The following NTN1 variants were observed in gnomAD, a reference collection of about 807,000 sequenced individuals.
The protein encoded by NTN1 is netrin-1.
NTN1 carries 11 observed loss-of-function variants against 54.2 expected under a neutral mutation model. The observed-to-expected ratio is 0.20, with a 90% confidence interval of 0.13 to 0.34. The LOEUF is 0.34. Among genes scored for constraint, NTN1 ranks in the 10% least tolerant of loss-of-function variants. NTN1 has a pLI of 1.00. For synonymous variants in NTN1, 371 were observed against 382.0 expected (o/e 0.97, Z 0.33); for missense variants, 740 against 893.1 (o/e 0.83, Z 2.18).
At chr17:9,131,094 G>A (rs997445371) in intron 2 of NTN1, among the ~76,000 whole-genome samples, 20 of 152,106 alleles carry the variant, frequency 1.3e-4, no homozygotes, top group African/African-American at 4.3e-4. Flanking sequence ...CCTTTGCACT[G>A]GCTGTTTCCT....
At chr17:9,156,820 A>G (rs957681180) in intron 2 of NTN1, among the ~76,000 whole-genome samples, 5 of 152,176 alleles carry the variant, frequency 3.3e-5, no homozygotes, top group African/African-American at 1.2e-4. Flanking sequence ...TTCAGGCAGT[A>G]AATCCTCTAT....
At chr17:9,065,118 G>A (rs1001936109) in intron 2 of NTN1, among the ~76,000 whole-genome samples, 1 of 152,018 alleles carries the variant, frequency 6.6e-6, no homozygotes, top group Non-Finnish European at 1.5e-5. Context: ...TGTATTTTTA[G>A]TAGAGACAGT....
At chr17:9,072,729 C>T (rs1204041857) in intron 2 of NTN1, among the ~76,000 whole-genome samples, 1 of 152,162 alleles carries the variant, frequency 6.6e-6, no homozygotes, top group African/African-American at 2.4e-5. Context: ...AAAGCAATAT[C>T]TCTCCCCCCA....
chr17:9,201,211 T>A (rs1904774643), intron 5 of NTN1, among the ~76,000 whole-genome samples: 1 of 152,176 alleles, frequency 6.6e-6, no homozygotes, highest in Non-Finnish European at 1.5e-5. Flanking sequence ...TGTCTTTTCC[T>A]CCTAGAGATG....
rs1049508166 is a variant in NTN1 at position 9,227,308 on chromosome 17, AAC to A, written c.1486+6071_1486+6072del. Among the ~76,000 whole-genome samples, 13 of 145,758 alleles carry A rather than the reference AAC, an allele frequency of 8.9e-5. No homozygotes were observed. In the South Asian group the frequency reaches 1.1e-3, roughly 13 times the overall value. ...ACGCATACACACATACACAATCACA[AAC>A]ACACCACACACATCAAACACAGATA... On this transcript the variant is annotated intron_variant, in intron 6 of 6. Coordinates refer to ENST00000173229, the MANE Select transcript of NTN1 (RefSeq NM_004822.3).
chr17:9,022,068 G>A (rs1276176280), intron 1 of NTN1, among the ~76,000 whole-genome samples: 1 of 152,138 alleles, frequency 6.6e-6, no homozygotes, highest in African/African-American at 2.4e-5. Flanking sequence ...GGCGGCGTGG[G>A]GGCGGCGGTG....
At chr17:9,130,998 T>C (rs1441655851) in intron 2 of NTN1, among the ~76,000 whole-genome samples, 12 of 152,220 alleles carry the variant, frequency 7.9e-5, no homozygotes, top group Admixed American at 7.9e-4. Context: ...ACCCCTCGTC[T>C]GCACTTTCCC....
intron 6 of NTN1, among the ~76,000 whole-genome samples, chr17:9,223,256 T>C (rs1372903978): frequency 6.6e-6 from 1 of 152,140 alleles, no homozygotes; most frequent in Non-Finnish European, 1.5e-5. Context: ...TGGGTTGTTT[T>C]GAAAGGAGCT....
chr17:9,051,000 C>T lies in NTN1; in HGVS notation c.1018+27609C>T, dbSNP rs556651665. The stretch of plus-strand genomic sequence containing the variant: ...CTGTTTCAGCTTGGCAAGGAGCCAT[C>T]GAAGCCCCCTGTCCTGTTAGCTGAG... On this transcript the variant is annotated intron_variant, in intron 2 of 6. Transcript: ENST00000173229. Among the ~76,000 whole-genome samples, 58 of 152,244 alleles carry T rather than the reference C, an allele frequency of 3.8e-4. No individual in the cohort carries two copies. In the South Asian group the frequency reaches 8.3e-3, roughly 22 times the overall value.
intron 5 of NTN1, among the ~76,000 whole-genome samples, chr17:9,191,987 A>AAAAT (rs1407656684): frequency 6.6e-6 from 1 of 151,956 alleles, no homozygotes; most frequent in Admixed American, 6.6e-5. Context: ...AAAAAAAAAA[A>AAAAT]AGTATTAGAG....
chr17:9,087,136 A>C (rs1298242880), intron 2 of NTN1, among the ~76,000 whole-genome samples: 1 of 152,194 alleles, frequency 6.6e-6, no homozygotes, highest in African/African-American at 2.4e-5. Flanking sequence ...TGAGTTTCTC[A>C]GTGTTAGACT....
intron 5 of NTN1, among the ~76,000 whole-genome samples, chr17:9,213,098 AG>A (rs1200040399): frequency 6.6e-6 from 1 of 152,182 alleles, no homozygotes; most frequent in African/African-American, 2.4e-5. Context: ...TGGGTCGGTC[AG>A]GGGAGCAGGT....
intron 2 of NTN1, among the ~76,000 whole-genome samples, chr17:9,045,112 A>G (rs2091937604): frequency 6.6e-6 from 1 of 152,162 alleles, no homozygotes; most frequent in African/African-American, 2.4e-5. Context: ...CAGGGATGGA[A>G]TTAACTGGGA....
chr17:9,031,407 G>A (rs570209516), intron 2 of NTN1, among the ~76,000 whole-genome samples: 21 of 152,182 alleles, frequency 1.4e-4, no homozygotes, highest in Non-Finnish European at 2.4e-4. Flanking sequence ...AACCAGGGCA[G>A]ACATTGGCAA....
At chr17:9,237,418 C>T (rs1232510174) in intron 6 of NTN1, among the ~76,000 whole-genome samples, 1 of 152,134 alleles carries the variant, frequency 6.6e-6, no homozygotes, top group East Asian at 1.9e-4. Context: ...ACTTTAAAGA[C>T]CCTATCTCCA....
chr17:9,229,260 C>T (rs1322879737), intron 6 of NTN1, among the ~76,000 whole-genome samples: 3 of 152,098 alleles, frequency 2.0e-5, no homozygotes, highest in African/African-American at 4.8e-5. Context: ...ATACCGTCTG[C>T]GTGCCCCGGT....
chr17:9,138,473 C>T (rs576876598), intron 2 of NTN1, among the ~76,000 whole-genome samples: 200 of 152,202 alleles, frequency 1.3e-3, no homozygotes, highest in Middle Eastern at 6.8e-3. Context: ...GGACCCCAGA[C>T]GCTGCCTCTC....
intron 2 of NTN1, among the ~76,000 whole-genome samples, chr17:9,030,791 G>A (rs1284569855): frequency 6.6e-6 from 1 of 152,216 alleles, no homozygotes; most frequent in Middle Eastern, 3.4e-3. Context: ...GGTTCTGTAA[G>A]TGTGGTAGAC....
At chr17:9,072,248 G>GTTT (rs561199419) in intron 2 of NTN1, among the ~76,000 whole-genome samples, 1 of 131,446 alleles carries the variant, frequency 7.6e-6, no homozygotes, top group Admixed American at 7.7e-5. Flanking sequence ...GTTATTTGCT[G>GTTT]TTTTTTTTTT....
Sources: gnomAD v4.1 joint callset for allele counts (sites outside exome capture counted in the v4.1 genomes callset) on GRCh38, gnomAD v4.1.1 for gene constraint, MANE v1.5 for transcripts, NCBI Gene and HGNC (gene_info 2026-07-23, HGNC 2026-07-21) for gene names.